MYOCD: variants seen among roughly 807,000 people sequenced by gnomAD.
MYOCD encodes myocardin.
A neutral mutation model predicts 96.1 loss-of-function variants in MYOCD; 32 were observed. That is an observed-to-expected ratio of 0.33 (90% confidence interval 0.25 to 0.45). MYOCD has a LOEUF of 0.45. Ranked by LOEUF, MYOCD falls within the 20% of genes least tolerant of loss-of-function variation. The pLI is 1.00. For synonymous variants in MYOCD, 469 were observed against 469.0 expected (o/e 1.00, Z 0.00); for missense variants, 1,133 against 1,200.6 (o/e 0.94, Z 0.83).
intron 9 of MYOCD, among the ~76,000 whole-genome samples, chr17:12,749,727 G>GTA (rs897794671): frequency 1.6e-3 from 211 of 133,662 alleles, no homozygotes; most frequent in Non-Finnish European, 2.1e-3. Flanking sequence ...ATGTGTGTGT[G>GTA]TATATATATA....
chr17:12,726,036 T>C (rs1461443396), intron 5 of MYOCD, among the ~76,000 whole-genome samples: 6 of 152,212 alleles, frequency 3.9e-5, no homozygotes, highest in Admixed American at 3.3e-4. Flanking sequence ...ATTGCTAGTA[T>C]TTTATTTGGG....
At chr17:12,696,048 T>TTTG (rs368329219) in intron 1 of MYOCD, among the ~76,000 whole-genome samples, 3,101 of 151,932 alleles carry the variant, frequency 0.02, 30 homozygotes, top group Middle Eastern at 0.031. Flanking sequence ...ATAATATTCC[T>TTTG]TTGTTGTTGT....
chr17:12,738,595 C>A (rs563183888), intron 6 of MYOCD, among the ~76,000 whole-genome samples: 1 of 152,072 alleles, frequency 6.6e-6, no homozygotes, highest in African/African-American at 2.4e-5. Flanking sequence ...TGCTCATAAG[C>A]ACGCATGCAC....
intron 2 of MYOCD, among the ~76,000 whole-genome samples, chr17:12,707,256 G>A (rs1284148412): frequency 6.6e-6 from 1 of 152,036 alleles, no homozygotes; most frequent in Non-Finnish European, 1.5e-5. Context: ...AGGAACCAAG[G>A]GCCTCAGGAT....
chr17:12,697,739 A>C (rs1027087523), intron 1 of MYOCD, among the ~76,000 whole-genome samples: 2 of 152,114 alleles, frequency 1.3e-5, no homozygotes, highest in Non-Finnish European at 1.5e-5. Flanking sequence ...GAAAACATTT[A>C]GTATTTTTGC....
At chr17:12,711,949 A>G (rs2031493484) in intron 2 of MYOCD, among the ~76,000 whole-genome samples, 2 of 141,116 alleles carry the variant, frequency 1.4e-5, no homozygotes, top group Admixed American at 7.3e-5. Context: ...TTTGAGACAG[A>G]GTCTCACTCT....
chr17:12,758,396 G>T (rs772504495), intron 12 of MYOCD, 183 bp downstream of exon 12: 2 of 905,898 alleles, frequency 2.2e-6, no homozygotes, highest in Non-Finnish European at 3.3e-6. Context: ...GTAGCTGTGT[G>T]AGGCAGGGAG....
chr17:12,739,927 TTTTTTTCTTTTTC>T (rs1198896304), intron 7 of MYOCD, among the ~76,000 whole-genome samples: 1 of 152,038 alleles, frequency 6.6e-6, no homozygotes, highest in East Asian at 1.9e-4. Flanking sequence ...TAGTGGTGAT[TTTTTTTCTTTTTC>T]TTTTTTCTTT....
intron 1 of MYOCD, among the ~76,000 whole-genome samples, chr17:12,703,110 A>T (rs1250104715): frequency 6.6e-6 from 1 of 151,276 alleles, no homozygotes. Context: ...CCTAGAGGTC[A>T]TTTTCTATTC....
intron 4 of MYOCD, among the ~76,000 whole-genome samples, chr17:12,720,946 C>G (rs937459751): frequency 6.7e-6 from 1 of 150,202 alleles, no homozygotes; most frequent in Non-Finnish European, 1.5e-5. Flanking sequence ...GGCGTGAACC[C>G]GGGAGGCAGA....
At chr17:12,693,064 A>G (rs572552807) in intron 1 of MYOCD, among the ~76,000 whole-genome samples, 6 of 152,232 alleles carry the variant, frequency 3.9e-5, no homozygotes, top group South Asian at 2.1e-4. Flanking sequence ...GTTCTCCACT[A>G]TACTTGACCC....
rs146432891 is a variant in MYOCD at position 12,667,670 on chromosome 17, A to T, written c.55+1427A>T. Among the ~76,000 whole-genome samples the T allele has an allele frequency of 3.1e-3, 466 of 152,288 alleles. 1 individual carries two copies. The highest frequency in any genetic ancestry group is 9.4e-3 in the African/African-American group (391 of 41,548). On this transcript the variant is annotated intron_variant, in intron 1 of 13. Coordinates refer to ENST00000425538, the MANE Select transcript of MYOCD (RefSeq NM_001146312.3). ...GGGGTGCTGGTTTGTCTCTAAAAGG[A>T]TCTGGTGATGTACTTGATAGTAGAC...
chr17:12,735,152 T>G (rs970476737), intron 5 of MYOCD, among the ~76,000 whole-genome samples: 2 of 152,238 alleles, frequency 1.3e-5, no homozygotes, highest in South Asian at 4.1e-4. Context: ...TTCTCTTATC[T>G]GCACAAGGCA....
Position 12,760,709 on chromosome 17 carries a change from T to G in MYOCD, c.2389+2T>G, listed in dbSNP as rs1249119142. ...TGGACGTGCTTATTGAAAGCGGAGG[T>G]AAGACTGCCTGTGTCCTGTCCATTA... On this transcript the variant is annotated splice_donor_variant, in intron 13 of 13. Coordinates refer to ENST00000425538, the MANE Select transcript of MYOCD (RefSeq NM_001146312.3). LOFTEE classifies it high-confidence loss of function. 1 of 1,612,892 alleles carries G rather than the reference T, an allele frequency of 6.2e-7. No individual in the cohort carries two copies. The highest frequency in any genetic ancestry group is 8.5e-7 in the Non-Finnish European group (1 of 1,179,092).
At position 12,752,957 on chromosome 17, in the gene MYOCD, T is replaced by C. The variant is rs776693073; in HGVS notation, c.1669T>C (p.Cys557Arg). Reference protein sequence around the residue: ...MQLQKQKRNNCSEKKPLPFLA... With the variant: ...MQLQKQKRNNRSEKKPLPFLA... ...GCTTCAGAAGCAGAAAAGGAATAACTGTTCAGAGAAGAAGCCGCTGCCTTT... is the reference window on the plus strand; with the variant it reads ...GCTTCAGAAGCAGAAAAGGAATAACCGTTCAGAGAAGAAGCCGCTGCCTTT... The change falls in exon 10 of 14, where the codon TGT (cysteine) becomes CGT (arginine). Residue 557 changes from cysteine (C) to arginine (R), a missense_variant. Physicochemically the swap from Cys to Arg is radical, Grantham distance 180. Transcript: ENST00000425538. 3 of 1,614,084 alleles carry C rather than the reference T, an allele frequency of 1.9e-6. No individual in the cohort carries two copies. The highest frequency in any genetic ancestry group is 1.7e-6 in the Non-Finnish European group (2 of 1,180,014).
chr17:12,695,664 A>G (rs2030707983), intron 1 of MYOCD, among the ~76,000 whole-genome samples: 1 of 152,224 alleles, frequency 6.6e-6, no homozygotes, highest in Non-Finnish European at 1.5e-5. Context: ...TAGTGTTAAT[A>G]GGAAAGATAC....
rs565175231 is a variant in MYOCD at position 12,666,009 on chromosome 17, G to T, written c.-180G>T. ...GAGTTAATTAGCCCCGCACGGCGAG[G>T]GGGGAGGCGCCAGTTTTCTGGGGAC... On this transcript the variant is annotated 5_prime_UTR_variant, in exon 1 of 14. Transcript: ENST00000425538. 6.5e-5 allele frequency: 36 copies of T among 553,950 alleles called. No individual in the cohort carries two copies. The highest frequency in any genetic ancestry group is 5.9e-4 in the African/African-American group (31 of 52,148). The allele number at this position is 553,950 out of a possible 1,614,324, so 34.3% of individuals were successfully genotyped here. A position where few individuals can be genotyped will look rare whatever the true frequency, so the allele number is the denominator to read the frequency against.
chr17:12,732,767 C>T (rs954170264), intron 5 of MYOCD, among the ~76,000 whole-genome samples: 2 of 152,198 alleles, frequency 1.3e-5, no homozygotes, highest in Non-Finnish European at 2.9e-5. Flanking sequence ...TCTTGTGCTT[C>T]GACCTGGGGT....
chr17:12,680,001 T>C (rs962005451), intron 1 of MYOCD, among the ~76,000 whole-genome samples: 4 of 152,230 alleles, frequency 2.6e-5, no homozygotes, highest in South Asian at 4.1e-4. Flanking sequence ...TTTTCTATAA[T>C]GAACACGCAC....
Sources: gnomAD v4.1 joint callset for allele counts (sites outside exome capture counted in the v4.1 genomes callset) on GRCh38, gnomAD v4.1.1 for gene constraint, MANE v1.5 for transcripts, NCBI Gene and HGNC (gene_info 2026-07-23, HGNC 2026-07-21) for gene names.